Variants in NKAIN3 observed in about 807,000 individuals in gnomAD.
The protein encoded by NKAIN3 is sodium/potassium transporting ATPase interacting 3, also known as sodium/potassium-transporting ATPase subunit beta-1-interacting protein 3.
NKAIN3 carries 25 observed loss-of-function variants against 30.2 expected under a neutral mutation model. The ratio of observed to expected loss-of-function variants is 0.83; its 90% CI spans 0.60 to 1.16. The LOEUF is 1.16. NKAIN3 is among the 50% of genes most tolerant of loss of function. The probability of loss-of-function intolerance (pLI) is 0.00; values close to 1 mark genes in which losing one functional copy is unlikely to be tolerated. For synonymous variants in NKAIN3, 91 were observed against 89.6 expected, an observed-to-expected ratio of 1.02 and a Z score of -0.09; for missense variants, 225 against 254.1, an observed-to-expected ratio of 0.89 and a Z score of 0.78.
chr8:62,704,878 G>T (rs138966612), intron 3 of NKAIN3, among the ~76,000 whole-genome samples: 2 of 152,272 alleles, frequency 1.3e-5, no homozygotes, highest in African/African-American at 4.8e-5. Context: ...CTAAATAATT[G>T]TTGAGTGAAT....
At chr8:62,944,991 C>A (rs1008491507) in intron 5 of NKAIN3, among the ~76,000 whole-genome samples, 2 of 152,090 alleles carry the variant, frequency 1.3e-5, no homozygotes, top group Non-Finnish European at 2.9e-5. Flanking sequence ...CAATGTCACT[C>A]AATTTTTTAA....
intron 4 of NKAIN3, among the ~76,000 whole-genome samples, chr8:62,811,411 G>A (rs754171158): frequency 6.6e-6 from 1 of 152,016 alleles, no homozygotes; most frequent in African/African-American, 2.4e-5. Flanking sequence ...GGATACTATG[G>A]TATTTGCATA....
intron 1 of NKAIN3, among the ~76,000 whole-genome samples, chr8:62,369,995 T>G (rs1816858536): frequency 6.6e-6 from 1 of 152,090 alleles, no homozygotes; most frequent in African/African-American, 2.4e-5. Context: ...AATACCTAGA[T>G]TTCTTTTTGA....
Position 62,305,389 on chromosome 8 carries a change from G to A in NKAIN3, c.54+56262G>A, listed in dbSNP as rs116161965. 6.1e-4 allele frequency among the ~76,000 whole-genome samples: 92 copies of A among 150,412 alleles called. 10 individuals are homozygous for A. Among genetic ancestry groups the A allele is most frequent in the African/African-American group, 2.3e-3 (90 of 39,892 alleles). ...CGCATACAGATATAATTTTGACAAG[G>A]TCCTACTGCAAAAATTGCAACAACC... On this transcript the variant is annotated intron_variant, in intron 1 of 6. Coordinates refer to ENST00000623646, the MANE Select transcript of NKAIN3 (RefSeq NM_001304533.3).
chr8:62,281,845 G>C (rs1438902103), intron 1 of NKAIN3, among the ~76,000 whole-genome samples: 1 of 152,036 alleles, frequency 6.6e-6, no homozygotes, highest in African/African-American at 2.4e-5. Context: ...TATTCAAATT[G>C]AATACAGGAA....
At position 62,344,247 on chromosome 8, in the gene NKAIN3, C is replaced by T. The variant is rs1815851098; in HGVS notation, c.54+95120C>T. Among the ~76,000 whole-genome samples the T allele has an allele frequency of 2.0e-5, 3 of 152,014 alleles. No individual in the cohort carries two copies. The South Asian group carries it at 6.2e-4, about 31-fold the overall frequency. On this transcript the variant is annotated intron_variant, in intron 1 of 6. Transcript: ENST00000623646. ...CATTAAATGTCAGGTAGCCCAACCT[C>T]TATGACTTCTATTTAGAATAGTTGA...
chr8:62,442,151 T>G (rs1805347610), intron 1 of NKAIN3, among the ~76,000 whole-genome samples: 1 of 152,058 alleles, frequency 6.6e-6, no homozygotes, highest in Admixed American at 6.6e-5. Context: ...CCTATACAAT[T>G]TTCTGTTTTT....
chr8:62,619,480 A>C (rs146092736), intron 3 of NKAIN3, among the ~76,000 whole-genome samples: 56 of 152,250 alleles, frequency 3.7e-4, no homozygotes, highest in African/African-American at 1.1e-3. Context: ...AAATCTACCT[A>C]CAACCTGGAA....
chr8:62,996,347 A>C (rs983601537), intron 5 of NKAIN3, among the ~76,000 whole-genome samples: 5 of 152,158 alleles, frequency 3.3e-5, no homozygotes, highest in African/African-American at 1.2e-4. Flanking sequence ...CCTCACTATC[A>C]TGAGAACAGC....
intron 3 of NKAIN3, among the ~76,000 whole-genome samples, chr8:62,618,155 C>T (rs1811518251): frequency 6.6e-6 from 1 of 152,184 alleles, no homozygotes; most frequent in South Asian, 2.1e-4. Flanking sequence ...CGTCATAGCT[C>T]AACTCACATT....
intron 1 of NKAIN3, among the ~76,000 whole-genome samples, chr8:62,476,442 T>G (rs938034054): frequency 6.9e-6 from 1 of 145,828 alleles, no homozygotes. Flanking sequence ...TTTTTTGTAG[T>G]TTTTTTTTTT....
chr8:62,692,500 C>T (rs1204165521), intron 3 of NKAIN3, among the ~76,000 whole-genome samples: 1 of 152,118 alleles, frequency 6.6e-6, no homozygotes, highest in Non-Finnish European at 1.5e-5. Flanking sequence ...GAAATAACAC[C>T]TGGGAGGACC....
intron 4 of NKAIN3, among the ~76,000 whole-genome samples, chr8:62,806,333 T>A (rs1339028903): frequency 6.6e-6 from 1 of 152,234 alleles, no homozygotes; most frequent in East Asian, 1.9e-4. Flanking sequence ...TAATCCATGC[T>A]GCTATAAAGA....
intron 4 of NKAIN3, among the ~76,000 whole-genome samples, chr8:62,813,647 G>T (rs1818567781): frequency 6.6e-6 from 1 of 151,366 alleles, no homozygotes; most frequent in Non-Finnish European, 1.5e-5. Flanking sequence ...TATACTCTTT[G>T]TTCCTTTCTT....
chr8:62,920,260 T>C (rs904073916), intron 5 of NKAIN3, among the ~76,000 whole-genome samples: 1 of 152,206 alleles, frequency 6.6e-6, no homozygotes, highest in Non-Finnish European at 1.5e-5. Flanking sequence ...TGAGTAGTTA[T>C]CAAACAACAA....
chr8:62,523,814 G>C (rs1395129765), intron 1 of NKAIN3, among the ~76,000 whole-genome samples: 1 of 152,060 alleles, frequency 6.6e-6, no homozygotes, highest in Non-Finnish European at 1.5e-5. Flanking sequence ...AGGTACGTCA[G>C]CTCTCCTTTG....
In NKAIN3 at chr8:62,553,655, G is replaced by A. The variant is rs577560903; in HGVS notation, c.55-25884G>A. On this transcript the variant is annotated intron_variant, in intron 1 of 6. Coordinates refer to ENST00000623646, the MANE Select transcript of NKAIN3 (RefSeq NM_001304533.3). ...GGGTTCAAGCGATTCTCTTGCCTCA[G>A]CCTCCCGAACAGCTGGGATTACAGG... is the stretch of plus-strand genomic sequence containing the variant. Among the ~76,000 whole-genome samples, 3 of 151,540 alleles carry A rather than the reference G, an allele frequency of 2.0e-5. No homozygotes were observed. In the East Asian group the frequency reaches 5.8e-4, roughly 30 times the overall value.
intron 3 of NKAIN3, among the ~76,000 whole-genome samples, chr8:62,638,103 G>A (rs1006091117): frequency 1.3e-5 from 2 of 152,090 alleles, no homozygotes; most frequent in Non-Finnish European, 1.5e-5. Flanking sequence ...CCAACTATGA[G>A]TGTTCCTAGT....
At chr8:62,736,995 T>C (rs933130291) in intron 3 of NKAIN3, among the ~76,000 whole-genome samples, 1 of 152,172 alleles carries the variant, frequency 6.6e-6, no homozygotes, top group Admixed American at 6.5e-5. Flanking sequence ...AGGATGTGTG[T>C]TTGGAGGTGG....
Sources: gnomAD v4.1 joint callset for allele counts (sites outside exome capture counted in the v4.1 genomes callset) on GRCh38, gnomAD v4.1.1 for gene constraint, MANE v1.5 for transcripts, NCBI Gene and HGNC (gene_info 2026-07-23, HGNC 2026-07-21) for gene names.